AKAP7: variants seen among roughly 807,000 people sequenced by gnomAD.
AKAP7 encodes A kinase (PRKA) anchor protein 7.
Under a neutral mutation model 39.5 loss-of-function variants are expected in AKAP7, and 39 were observed. The ratio of observed to expected loss-of-function variants is 0.99; its 90% CI spans 0.76 to 1.29. The LOEUF is 1.29. AKAP7 is among the 50% of genes most tolerant of loss of function. The probability of loss-of-function intolerance (pLI) is 0.00; values close to 1 mark genes in which losing one functional copy is unlikely to be tolerated. For synonymous variants in AKAP7, 140 were observed against 139.1 expected (o/e 1.01, Z -0.05); for missense variants, 414 against 407.7 (o/e 1.02, Z -0.13).
chr6:131,144,789 A>T (rs754523615), intron 1 of AKAP7, among the ~76,000 whole-genome samples: 5 of 152,216 alleles, frequency 3.3e-5, no homozygotes, highest in Non-Finnish European at 7.4e-5. Flanking sequence ...ATTTAGAACC[A>T]TGTATTTTTA....
At chr6:131,255,192 G>A (rs761665422) in intron 7 of AKAP7, among the ~76,000 whole-genome samples, 1 of 152,080 alleles carries the variant, frequency 6.6e-6, no homozygotes, top group Non-Finnish European at 1.5e-5. Context: ...CAAACACCTC[G>A]TATTCAGGGT....
rs1052531232 is a variant in AKAP7, at chr6:131,282,471, A to G, written c.*745A>G. The G allele has an allele frequency of 3.2e-5, 49 of 1,535,662 alleles. No individual in the cohort carries two copies. Among genetic ancestry groups the G allele is most frequent in the Non-Finnish European group, 4.3e-5 (49 of 1,146,710 alleles). On this transcript the variant is annotated 3_prime_UTR_variant, in exon 8 of 8. Transcript: ENST00000431975. Reference sequence around the variant, plus strand: ...CGAGAAACGATGGGTCTGAAGTCCAAAGTGAAACAGATAAAGGAACTTTTA... The same window carrying G: ...CGAGAAACGATGGGTCTGAAGTCCAGAGTGAAACAGATAAAGGAACTTTTA...
At chr6:131,132,944 G>A (rs1379838850), upstream of AKAP7, among the ~76,000 whole-genome samples, 1 of 152,142 alleles carries the variant, frequency 6.6e-6, no homozygotes, top group Non-Finnish European at 1.5e-5. Flanking sequence ...GTGGGGGGTA[G>A]TATTTTGGCA....
chr6:131,139,994 G>T (rs912486803), intron 1 of AKAP7, among the ~76,000 whole-genome samples: 2 of 152,180 alleles, frequency 1.3e-5, no homozygotes, highest in Non-Finnish European at 2.9e-5. Flanking sequence ...CTGAGCTGGC[G>T]ATCTGCAAGG....
Position 131,282,410 on chromosome 6 carries a change from A to G in AKAP7, c.*684A>G, listed in dbSNP as rs765997046. The stretch of plus-strand genomic sequence containing the variant: ...TTTTTTTTTCTTAGGCAAGAAACCT[A>G]TTGGAATTCGAGACTTAATTAATGA... On this transcript the variant is annotated 3_prime_UTR_variant, in exon 8 of 8. Transcript: ENST00000431975. The G allele has an allele frequency of 1.6e-5, 24 of 1,476,746 alleles. No homozygotes were observed. The highest frequency in any genetic ancestry group is 1.9e-5 in the Non-Finnish European group (21 of 1,123,508). 91.5% of individuals were successfully genotyped at this position (1,476,746 alleles called of 1,614,324 possible).
intron 7 of AKAP7, chr6:131,253,025 C>T: frequency 1.2e-6 from 2 of 1,612,792 alleles, no homozygotes; most frequent in Non-Finnish European, 1.7e-6. Context: ...GGGTGTTATT[C>T]TCAAAACACA....
rs556513680 is a variant in AKAP7, at chr6:131,281,654, G to A, written c.975G>A (p.Pro325=). ...AGGAAACACAGAATAAAAACAAGCC[G>A]GGGGAGGGGAGCTCTGTGAAAACCG... The part of the protein sequence containing the change: ...YLEETQNKNK[P]GEGSSVKTEA... Residue 325 remains proline (P), a synonymous_variant, in exon 8 of 8, where the codon CCG becomes CCA. Transcript: ENST00000431975. The surrounding 1 kb of genome is among the most constrained non-coding windows in gnomAD (Gnocchi z 4.0). 71 of 1,613,480 alleles carry A rather than the reference G, an allele frequency of 4.4e-5. No individual in the cohort carries two copies. Among genetic ancestry groups the A allele is most frequent in the African/African-American group, 1.3e-4 (10 of 74,972 alleles).
At chr6:131,244,537 G>C (rs1265450949) in intron 7 of AKAP7, among the ~76,000 whole-genome samples, 1 of 152,174 alleles carries the variant, frequency 6.6e-6, no homozygotes, top group African/African-American at 2.4e-5. Flanking sequence ...TCTAAGCAGG[G>C]AGATAAATTT....
At chr6:131,221,492 G>T (rs1809692850) in intron 7 of AKAP7, among the ~76,000 whole-genome samples, 1 of 152,198 alleles carries the variant, frequency 6.6e-6, no homozygotes, top group Non-Finnish European at 1.5e-5. Flanking sequence ...GCTGCTCAAA[G>T]CAACAGATTT....
rs1029910345 is a variant in AKAP7, at chr6:131,219,791, A to T, written c.833A>T (p.Glu278Val). Residue 278 changes from glutamate to valine, a missense_variant, in exon 7 of 8, where the codon GAA becomes GTA. By Grantham distance (121) the Glu-to-Val change is moderately radical. Transcript: ENST00000431975. ...KKQSNGYYHCESSIVIGEKNG... is the reference protein window; with the variant it reads ...KKQSNGYYHCVSSIVIGEKNG... ...CAAAGTAATGGTTATTATCACTGTGAATCTTCCATTGTGATTGGTGAGTGT... is the reference window on the plus strand; with the variant it reads ...CAAAGTAATGGTTATTATCACTGTGTATCTTCCATTGTGATTGGTGAGTGT... 6.4e-7 allele frequency: 1 copy of T among 1,571,062 alleles called. No homozygotes were observed. Among genetic ancestry groups the T allele is most frequent in the Admixed American group, 1.9e-5 (1 of 52,648 alleles).
intron 7 of AKAP7, among the ~76,000 whole-genome samples, chr6:131,238,907 A>C (rs1049932527): frequency 3.3e-5 from 5 of 152,252 alleles, no homozygotes; most frequent in African/African-American, 1.2e-4. Context: ...GCCCATTTAC[A>C]TTTAAGGTTA....
intron 7 of AKAP7, among the ~76,000 whole-genome samples, chr6:131,261,444 T>C (rs540015853): frequency 6.6e-6 from 1 of 152,106 alleles, no homozygotes; most frequent in Non-Finnish European, 1.5e-5. Context: ...ATAAATAAAA[T>C]TTTTATGAAA....
chr6:131,227,052 G>C (rs1810230181), intron 7 of AKAP7, among the ~76,000 whole-genome samples: 1 of 152,150 alleles, frequency 6.6e-6, no homozygotes, highest in African/African-American at 2.4e-5. Flanking sequence ...TAACAGTAAT[G>C]GGATTTGATA....
intron 6 of AKAP7, among the ~76,000 whole-genome samples, chr6:131,207,491 ATT>A (rs531582478): frequency 0.018 from 1,397 of 78,720 alleles, 26 homozygotes; most frequent in African/African-American, 0.055. Context: ...GCTAATTAAA[ATT>A]TTTTTTTTTT....
intron 5 of AKAP7, among the ~76,000 whole-genome samples, chr6:131,198,817 C>G (rs918222827): frequency 1.3e-5 from 2 of 152,178 alleles, no homozygotes; most frequent in Non-Finnish European, 1.5e-5. Flanking sequence ...AGTTTCCTTG[C>G]ACACATGCAC....
At chr6:131,177,158 A>G (rs1247547924) in intron 5 of AKAP7, among the ~76,000 whole-genome samples, 1 of 152,120 alleles carries the variant, frequency 6.6e-6, no homozygotes, top group African/African-American at 2.4e-5. Context: ...TATTCTAATT[A>G]TCTTATTAAA....
Position 131,282,125 on chromosome 6 carries a change from A to G in AKAP7, c.*399A>G. 8.5e-7 allele frequency: 1 copy of G among 1,173,546 alleles called. No homozygotes were observed. The highest frequency in any genetic ancestry group is 1.1e-6 in the Non-Finnish European group (1 of 951,400). 72.7% of individuals were successfully genotyped at this position (1,173,546 alleles called of 1,614,324 possible). A position where few individuals can be genotyped will look rare whatever the true frequency, so the allele number is the denominator to read the frequency against. ...ATCTGAGGCCAGAACTCTCACACAC[A>G]GCTATCAAGTGCTAAGTTTAAAATA... On this transcript the variant is annotated 3_prime_UTR_variant, in exon 8 of 8. Coordinates refer to ENST00000431975, the MANE Select transcript of AKAP7 (RefSeq NM_016377.4).
Position 131,145,353 on chromosome 6 carries a change from A to G in AKAP7, c.88A>G (p.Asn30Asp), listed in dbSNP as rs1265746755. Residue 30 changes from asparagine to aspartate, a missense_variant, in exon 2 of 8, where the codon AAT becomes GAT. Physicochemically the swap from Asn to Asp is conservative, Grantham distance 23. Coordinates refer to ENST00000431975, the MANE Select transcript of AKAP7 (RefSeq NM_016377.4). ...GAAAATGTCAGAGGAATTTGAAGCC[A>G]ATACTATGGATTCTCTGGTAGACAT... ...KKKMSEEFEA[N>D]TMDSLVDMPF... 3 of 1,572,336 alleles carry G rather than the reference A, an allele frequency of 1.9e-6. No homozygotes were observed. The highest frequency in any genetic ancestry group is 3.6e-5 in the Admixed American group (2 of 55,286).
At position 131,165,133 on chromosome 6, in the gene AKAP7, G is replaced by T. The variant is rs557843005; in HGVS notation, c.344G>T (p.Arg115Leu). ...LQNAIIQQDE[R>L]LAKAMVSDGS... ...AATGCAATAATACAACAAGATGAGC[G>T]ACTGGCCAAAGCAATGGTCAGTGAT... Residue 115 changes from arginine to leucine, a missense_variant, in exon 4 of 8, where the codon CGA becomes CTA. By Grantham distance (102) the Arg-to-Leu change is moderately radical. Coordinates refer to ENST00000431975, the MANE Select transcript of AKAP7 (RefSeq NM_016377.4). 1 of 1,611,298 alleles carries T rather than the reference G, an allele frequency of 6.2e-7. No individual in the cohort carries two copies. Among genetic ancestry groups the T allele is most frequent in the Non-Finnish European group, 8.5e-7 (1 of 1,178,042 alleles).
Sources: allele counts gnomAD v4.1 joint callset (sites outside exome capture counted in the v4.1 genomes callset), GRCh38; gene constraint gnomAD v4.1.1; non-coding constraint Gnocchi (gnomAD v3.1); transcripts MANE v1.5; gene names NCBI Gene and HGNC (gene_info 2026-07-23, HGNC 2026-07-21).